Variants in ADAMTS19 observed in about 807,000 individuals in gnomAD.
ADAMTS19 encodes the protein ADAM metallopeptidase with thrombospondin type 1 motif 19.
A neutral mutation model predicts 153.3 loss-of-function variants in ADAMTS19; 93 were observed. That is an observed-to-expected ratio of 0.61 (90% CI 0.51 to 0.72). ADAMTS19 has a LOEUF of 0.72. Among genes scored for constraint, ADAMTS19 ranks in the 30% least tolerant of loss-of-function variants. The pLI, the probability that ADAMTS19 is intolerant of heterozygous loss-of-function variation, is 0.00. For synonymous variants in ADAMTS19, 600 were observed against 556.6 expected (o/e 1.08, Z -1.10); for missense variants, 1,482 against 1,552.1 (o/e 0.95, Z 0.76).
intron 18 of ADAMTS19, among the ~76,000 whole-genome samples, chr5:129,692,038 T>A (rs1276442445): frequency 6.6e-6 from 1 of 152,188 alleles, no homozygotes; most frequent in African/African-American, 2.4e-5. Flanking sequence ...TTAAATGAAT[T>A]TAGGCAACTG....
Position 129,704,257 on chromosome 5 carries a change from A to G in ADAMTS19, c.3178A>G (p.Lys1060Glu). Residue 1060 changes from lysine (K) to glutamate (E), a missense_variant, in exon 21 of 23, where the codon AAA becomes GAA. Lys to Glu is a moderately conservative substitution (Grantham distance 56). Transcript: ENST00000274487. ...CTTCCAGTGTTCAGTCAAGTGTGGCAAAGGCATACGTCATCGGACCGTTAG... is the reference window on the plus strand; with the variant it reads ...CTTCCAGTGTTCAGTCAAGTGTGGCGAAGGCATACGTCATCGGACCGTTAG... ...VWSECSVKCG[K>E]GIRHRTVRCT... 6.2e-7 allele frequency: 1 copy of G among 1,613,608 alleles called. No homozygotes were observed.
At chr5:129,482,447 T>C (rs1240719673) in intron 2 of ADAMTS19, among the ~76,000 whole-genome samples, 3 of 152,214 alleles carry the variant, frequency 2.0e-5, no homozygotes, top group East Asian at 1.9e-4. Context: ...ATAGAAGATA[T>C]TTCATGTGCA....
intron 6 of ADAMTS19, among the ~76,000 whole-genome samples, chr5:129,549,033 G>T (rs1752967893): frequency 1.0e-5 from 1 of 97,880 alleles, no homozygotes; most frequent in African/African-American, 4.0e-5. Flanking sequence ...TTGTGGGGTG[G>T]GGGGAGGGGG....
At chr5:129,708,210 C>A (rs79656465) in intron 21 of ADAMTS19, among the ~76,000 whole-genome samples, 5,307 of 152,136 alleles carry the variant, frequency 0.035, 283 homozygotes, top group African/African-American at 0.12. Context: ...AGTAATGCAG[C>A]CTTTGTTGAA....
intron 6 of ADAMTS19, among the ~76,000 whole-genome samples, chr5:129,531,113 C>G (rs1017289237): frequency 6.6e-6 from 1 of 152,034 alleles, no homozygotes; most frequent in Admixed American, 6.6e-5. Flanking sequence ...GAGAACTATA[C>G]AGCACTCTTA....
chr5:129,610,673 T>C (rs900909464), intron 8 of ADAMTS19, among the ~76,000 whole-genome samples: 1 of 152,190 alleles, frequency 6.6e-6, no homozygotes, highest in Non-Finnish European at 1.5e-5. Context: ...CCACATTTTC[T>C]TAATCCAATC....
At chr5:129,609,916 C>T (rs952617901) in intron 8 of ADAMTS19, among the ~76,000 whole-genome samples, 1 of 152,076 alleles carries the variant, frequency 6.6e-6, no homozygotes. Flanking sequence ...TCTGTGTTGG[C>T]AAGAGGCCAC....
At chr5:129,711,897 AC>A (rs1190364619) in intron 21 of ADAMTS19, among the ~76,000 whole-genome samples, 2 of 152,028 alleles carry the variant, frequency 1.3e-5, no homozygotes, top group Non-Finnish European at 2.9e-5. Context: ...TCTGCTTTAT[AC>A]CAAAGATCGC....
In ADAMTS19 at chr5:129,535,882, C is replaced by A. The variant is rs549347687; in HGVS notation, c.1328+7205C>A. Among the ~76,000 whole-genome samples the A allele has an allele frequency of 2.6e-3, 394 of 152,152 alleles. 1 individual carries two copies. The highest frequency in any genetic ancestry group is 9.0e-3 in the African/African-American group (374 of 41,498). ...ATATGTAGAAAGCTGAAACTGGATC[C>A]CTTCCTTACACCTTATACAAAAATT... On this transcript the variant is annotated intron_variant, in intron 6 of 22. Transcript: ENST00000274487.
chr5:129,723,117 A>C (rs978895727), intron 21 of ADAMTS19, among the ~76,000 whole-genome samples: 8 of 152,162 alleles, frequency 5.3e-5, no homozygotes. Flanking sequence ...CATCTGTCTT[A>C]GTAGATATAA....
At chr5:129,512,882 A>C (rs1055836738) in intron 3 of ADAMTS19, among the ~76,000 whole-genome samples, 2 of 151,988 alleles carry the variant, frequency 1.3e-5, no homozygotes, top group African/African-American at 4.8e-5. Context: ...TTACCCCTGA[A>C]TACAGGCATT....
At chr5:129,715,111 G>A (rs796448501) in intron 21 of ADAMTS19, among the ~76,000 whole-genome samples, 1 of 152,220 alleles carries the variant, frequency 6.6e-6, no homozygotes, top group African/African-American at 2.4e-5. Context: ...ATATTAAAAT[G>A]TTTCTACACA....
chr5:129,708,590 C>CAAAAAAAAG (rs1756280078), intron 21 of ADAMTS19, among the ~76,000 whole-genome samples: 1 of 61,818 alleles, frequency 1.6e-5, no homozygotes, highest in African/African-American at 6.1e-5. Flanking sequence ...AGCAGAGAAG[C>CAAAAAAAAG]AAAAAAAAAA....
intron 7 of ADAMTS19, among the ~76,000 whole-genome samples, chr5:129,570,714 A>G (rs1159714213): frequency 6.6e-6 from 1 of 151,952 alleles, no homozygotes; most frequent in Non-Finnish European, 1.5e-5. Flanking sequence ...TATACGAATA[A>G]CAGAAGAGAA....
intron 2 of ADAMTS19, among the ~76,000 whole-genome samples, chr5:129,473,920 A>G (rs1283422241): frequency 1.3e-5 from 2 of 152,128 alleles, no homozygotes; most frequent in African/African-American, 2.4e-5. Flanking sequence ...TTTTTGAGGT[A>G]TAATTTACAT....
intron 2 of ADAMTS19, among the ~76,000 whole-genome samples, chr5:129,471,671 C>T (rs1458719862): frequency 6.6e-6 from 1 of 151,952 alleles, no homozygotes; most frequent in Non-Finnish European, 1.5e-5. Context: ...ACCTAGTACC[C>T]ATTAGTTATT....
At chr5:129,555,407 C>T (rs908428969) in intron 7 of ADAMTS19, among the ~76,000 whole-genome samples, 1 of 151,982 alleles carries the variant, frequency 6.6e-6, no homozygotes, top group African/African-American at 2.4e-5. Context: ...ATCTGAACTC[C>T]CTAGTTTTGT....
At chr5:129,484,342 G>C (rs1750519886) in intron 2 of ADAMTS19, among the ~76,000 whole-genome samples, 1 of 151,886 alleles carries the variant, frequency 6.6e-6, no homozygotes, top group African/African-American at 2.4e-5. Context: ...AAGCCCTCAG[G>C]GTACTTCTCT....
At chr5:129,616,789 G>T (rs1751552894) in intron 8 of ADAMTS19, among the ~76,000 whole-genome samples, 1 of 151,988 alleles carries the variant, frequency 6.6e-6, no homozygotes, top group African/African-American at 2.4e-5. Flanking sequence ...TCCATGCAAT[G>T]CATGTGACTT....
Sources: gnomAD v4.1 joint callset for allele counts (sites outside exome capture counted in the v4.1 genomes callset) on GRCh38, gnomAD v4.1.1 for gene constraint, MANE v1.5 for transcripts, NCBI Gene and HGNC (gene_info 2026-07-23, HGNC 2026-07-21) for gene names.